The following C8orf34 variants were observed in gnomAD, a reference collection of about 807,000 sequenced individuals.
The protein encoded by C8orf34 is chromosome 8 open reading frame 34.
Under a neutral mutation model 68.3 loss-of-function variants are expected in C8orf34, and 65 were observed. That is an observed-to-expected ratio of 0.95 (90% confidence interval 0.78 to 1.17). C8orf34 has a LOEUF of 1.17. Among genes scored for constraint, C8orf34 ranks in the 50% most tolerant of loss-of-function variants. The pLI is 0.00. For synonymous variants in C8orf34, 244 were observed against 241.2 expected (o/e 1.01, Z -0.11); for missense variants, 664 against 655.4 (o/e 1.01, Z -0.14).
intron 12 of C8orf34, among the ~76,000 whole-genome samples, chr8:68,810,635 G>A (rs1009586516): frequency 6.6e-6 from 1 of 152,122 alleles, no homozygotes; most frequent in African/African-American, 2.4e-5. Flanking sequence ...GGAAAAATGA[G>A]GTACGCATAC....
In C8orf34 at chr8:68,591,001, G is replaced by A. The variant is rs372363677; in HGVS notation, c.1106-49375G>A. ...ATGAGACTATCTCACCACCAAGGAG[G>A]CCAGAATCAGGCCAGCCACACTGCA... On this transcript the variant is annotated intron_variant, in intron 7 of 13. Coordinates refer to ENST00000518698, the MANE Select transcript of C8orf34 (RefSeq NM_052958.4). Among the ~76,000 whole-genome samples the A allele has an allele frequency of 4.6e-5, 7 of 152,268 alleles. No homozygotes were observed. The South Asian group carries it at 1.2e-3, about 27-fold the overall frequency.
In C8orf34 at chr8:68,686,075, A is replaced by G. The variant is rs535365853; in HGVS notation, c.1242-22919A>G. Among the ~76,000 whole-genome samples the G allele has an allele frequency of 5.3e-5, 8 of 152,118 alleles. No homozygotes were observed. In the South Asian group the frequency reaches 1.0e-3, roughly 20 times the overall value. On this transcript the variant is annotated intron_variant, in intron 8 of 13. Coordinates refer to ENST00000518698, the MANE Select transcript of C8orf34 (RefSeq NM_052958.4). ...TCCTGGAAACATACAACCCTCCTAG[A>G]TTAAATCAGGAAGAAATAGACAGAC...
At chr8:68,480,643 G>A (rs917265315) in intron 4 of C8orf34, among the ~76,000 whole-genome samples, 2 of 152,224 alleles carry the variant, frequency 1.3e-5, no homozygotes, top group Non-Finnish European at 2.9e-5. Context: ...GGTGATCTCA[G>A]ATGGAGATGA....
intron 12 of C8orf34, among the ~76,000 whole-genome samples, chr8:68,796,212 T>C (rs1381115028): frequency 6.6e-6 from 1 of 152,182 alleles, no homozygotes; most frequent in African/African-American, 2.4e-5. Context: ...TTTTCTTGAG[T>C]TAATGTTCTA....
Position 68,425,138 on chromosome 8 carries a change from C to T in C8orf34, c.328-14361C>T, listed in dbSNP as rs2138676. ...CAAAATAGAGGGGAACTTCCTTAAC[C>T]TCATAAATGCATCTACAGAAATCCT... On this transcript the variant is annotated intron_variant, in intron 1 of 13. Coordinates refer to ENST00000518698, the MANE Select transcript of C8orf34 (RefSeq NM_052958.4). Among the ~76,000 whole-genome samples, 745 of 152,190 alleles carry T rather than the reference C, an allele frequency of 4.9e-3. 3 individuals are homozygous for T. The highest frequency in any genetic ancestry group is 7.1e-3 in the Non-Finnish European group (486 of 68,002).
chr8:68,429,453 C>T (rs904948851), intron 1 of C8orf34, among the ~76,000 whole-genome samples: 1 of 152,144 alleles, frequency 6.6e-6, no homozygotes, highest in Non-Finnish European at 1.5e-5. Flanking sequence ...TTTACAATCA[C>T]GTTTATAAAA....
At chr8:68,395,467 T>C (rs1808665118) in intron 1 of C8orf34, among the ~76,000 whole-genome samples, 1 of 152,000 alleles carries the variant, frequency 6.6e-6, no homozygotes, top group South Asian at 2.1e-4. Flanking sequence ...CCTGTTTCTA[T>C]TGAGAATCAC....
intron 7 of C8orf34, among the ~76,000 whole-genome samples, chr8:68,617,808 T>A (rs1448744162): frequency 6.6e-6 from 1 of 152,164 alleles, no homozygotes; most frequent in Non-Finnish European, 1.5e-5. Context: ...GTTCTCTGTA[T>A]TTCCTGAATC....
At chr8:68,559,218 A>G (rs1816346887) in intron 7 of C8orf34, among the ~76,000 whole-genome samples, 1 of 152,216 alleles carries the variant, frequency 6.6e-6, no homozygotes. Flanking sequence ...GAAGATGATG[A>G]CTATGCTATG....
intron 12 of C8orf34, among the ~76,000 whole-genome samples, chr8:68,806,387 A>G (rs1446710655): frequency 2.0e-5 from 3 of 152,088 alleles, no homozygotes; most frequent in South Asian, 2.1e-4. Flanking sequence ...AAATTTCTCA[A>G]TTTCTCCTTT....
chr8:68,578,614 A>G (rs1425209029), intron 7 of C8orf34, among the ~76,000 whole-genome samples: 1 of 150,874 alleles, frequency 6.6e-6, no homozygotes, highest in East Asian at 1.9e-4. Flanking sequence ...TTAGTGAAAG[A>G]TATCTATAGT....
intron 3 of C8orf34, among the ~76,000 whole-genome samples, chr8:68,457,014 A>C (rs766457219): frequency 6.6e-6 from 1 of 152,220 alleles, no homozygotes; most frequent in South Asian, 2.1e-4. Flanking sequence ...CTGATCCTTT[A>C]TAACCATTTC....
chr8:68,535,161 T>C (rs1815410501), intron 7 of C8orf34: 3 of 984,760 alleles, frequency 3.0e-6, no homozygotes, highest in African/African-American at 1.7e-5. Context: ...CAGCAAAATG[T>C]ATGTGATTGT....
chr8:68,681,042 C>G (rs559319044), intron 8 of C8orf34, among the ~76,000 whole-genome samples: 1 of 152,210 alleles, frequency 6.6e-6, no homozygotes, highest in African/African-American at 2.4e-5. Context: ...TTTATAGGCT[C>G]TCTGCAAGAA....
intron 1 of C8orf34, among the ~76,000 whole-genome samples, chr8:68,401,688 G>C (rs1043376408): frequency 7.2e-5 from 11 of 151,816 alleles, no homozygotes; most frequent in African/African-American, 2.7e-4. Context: ...TTTATGTGAT[G>C]TTTAACATGT....
intron 3 of C8orf34, among the ~76,000 whole-genome samples, chr8:68,459,527 G>A (rs919315695): frequency 2.6e-5 from 4 of 152,022 alleles, no homozygotes; most frequent in Non-Finnish European, 5.9e-5. Context: ...CACCGTGCCC[G>A]GCTGAAAAGG....
At chr8:68,635,037 A>T (rs1328924460) in intron 7 of C8orf34, among the ~76,000 whole-genome samples, 1 of 152,174 alleles carries the variant, frequency 6.6e-6, no homozygotes, top group Non-Finnish European at 1.5e-5. Context: ...AACTGGAAAA[A>T]AGAGGTGCTA....
At chr8:68,504,502 C>G (rs1161586445) in intron 5 of C8orf34, among the ~76,000 whole-genome samples, 3 of 151,974 alleles carry the variant, frequency 2.0e-5, no homozygotes, top group Non-Finnish European at 4.4e-5. Flanking sequence ...TGAGGAACTG[C>G]CAAATTGATT....
intron 10 of C8orf34, among the ~76,000 whole-genome samples, chr8:68,724,474 T>C (rs1821769670): frequency 1.3e-5 from 2 of 152,216 alleles, no homozygotes; most frequent in Admixed American, 6.5e-5. Flanking sequence ...TCTTGGAAAC[T>C]GTTTTTTCCT....
Sources: allele counts gnomAD v4.1 joint callset (sites outside exome capture counted in the v4.1 genomes callset), GRCh38; gene constraint gnomAD v4.1.1; transcripts MANE v1.5; gene names NCBI Gene and HGNC (gene_info 2026-07-23, HGNC 2026-07-21).